The following QTRT2 variants were observed in gnomAD, a reference collection of about 807,000 sequenced individuals.
QTRT2 encodes queuine tRNA-ribosyltransferase domain containing 1.
Under a neutral mutation model 44.8 loss-of-function variants are expected in QTRT2, and 32 were observed. That is an observed-to-expected ratio of 0.71 (90% confidence interval 0.54 to 0.96). QTRT2 has a LOEUF of 0.96. QTRT2 is among the 40% of genes least tolerant of loss of function. The pLI, the probability that QTRT2 is intolerant of heterozygous loss-of-function variation, is 0.00. For synonymous variants in QTRT2, 182 were observed against 187.4 expected, an observed-to-expected ratio of 0.97 and a Z score of 0.24; for missense variants, 461 against 503.1, an observed-to-expected ratio of 0.92 and a Z score of 0.80.
rs1007337007 is a variant in QTRT2 at position 114,082,183 on chromosome 3, T to C, written c.899-494T>C. ...AAGTATATTTGCATGTACATTATGA[T>C]AAGGGATAGTGATAACCCCACCACA... On this transcript the variant is annotated intron_variant, in intron 8 of 9. Transcript: ENST00000281273. Among the ~76,000 whole-genome samples the C allele has an allele frequency of 2.7e-5, 4 of 149,304 alleles. No homozygotes were observed. The East Asian group carries it at 7.9e-4, about 29-fold the overall frequency.
chr3:114,068,471 A>T (rs1228253560), intron 5 of QTRT2: 2 of 190,348 alleles, frequency 1.1e-5, no homozygotes, highest in Non-Finnish European at 2.2e-5. Flanking sequence ...TCTCAATATA[A>T]TATTGTCTGC....
chr3:114,069,591 C>T (rs925273631), intron 5 of QTRT2, among the ~76,000 whole-genome samples: 2 of 152,150 alleles, frequency 1.3e-5, no homozygotes, highest in African/African-American at 4.8e-5. Flanking sequence ...TTTTTTATGG[C>T]TGTATAATAT....
chr3:114,080,148 A>G (rs1277101870), intron 8 of QTRT2, 91 bp downstream of exon 8: 19 of 1,022,908 alleles, frequency 1.9e-5, no homozygotes, highest in South Asian at 1.3e-4. Context: ...ATATGTATAT[A>G]TAAAGCCAGT....
At chr3:114,061,372 A>G (rs959147918) in intron 2 of QTRT2, among the ~76,000 whole-genome samples, 4 of 152,112 alleles carry the variant, frequency 2.6e-5, no homozygotes, top group African/African-American at 9.7e-5. Context: ...TGTGCTGGGT[A>G]TATAGAAAAG....
chr3:114,065,611 C>T (rs2076942957), intron 3 of QTRT2, among the ~76,000 whole-genome samples, 154 bp downstream of exon 3: 1 of 152,216 alleles, frequency 6.6e-6, no homozygotes, highest in African/African-American at 2.4e-5. Context: ...TATACATCTT[C>T]TGGCCCTAAT....
At position 114,068,030 on chromosome 3, in the gene QTRT2, C is replaced by A. The variant is rs745670234; in HGVS notation, c.300C>A (p.Val100=). Residue 100 remains valine, a synonymous_variant, in exon 5 of 10, where the codon GTC becomes GTA. Coordinates refer to ENST00000281273, the MANE Select transcript of QTRT2 (RefSeq NM_024638.4). ...SLLYCSLHDP[V]SPCPAGYVTN... ...TGTACTGCTCCCTGCACGATCCAGT[C>A]AGCCCCTGCCCGGCTGGTTATGTAA... The A allele has an allele frequency of 2.5e-6, 4 of 1,613,790 alleles. No individual in the cohort carries two copies. The African/African-American group carries it at 5.3e-5, about 22-fold the overall frequency.
At chr3:114,083,948 G>A (rs1183871155) in intron 9 of QTRT2, among the ~76,000 whole-genome samples, 17 of 151,920 alleles carry the variant, frequency 1.1e-4, no homozygotes, top group Admixed American at 1.1e-3. Context: ...AGATTTAATT[G>A]GAAATTGTAC....
chr3:114,071,043 A>G (rs1330293436), intron 6 of QTRT2, among the ~76,000 whole-genome samples: 1 of 151,946 alleles, frequency 6.6e-6, no homozygotes, highest in African/African-American at 2.4e-5. Flanking sequence ...ATCCCTTTCT[A>G]TATGTTGTCC....
At chr3:114,077,893 A>G (rs1429313536) in intron 7 of QTRT2, 1 of 151,738 alleles carries the variant, frequency 6.6e-6, no homozygotes, top group Non-Finnish European at 1.5e-5. Context: ...TTGTATTTTT[A>G]GTGGAGACGG....
At chr3:114,061,206 A>AT in intron 2 of QTRT2, among the ~76,000 whole-genome samples, 1 of 152,274 alleles carries the variant, frequency 6.6e-6, no homozygotes, top group Non-Finnish European at 1.5e-5. Context: ...CTTGCATGGC[A>AT]TATTTGGCTT....
intron 2 of QTRT2, 75 bp from the exon 3 acceptor site, chr3:114,065,162 T>TA: frequency 1.1e-6 from 1 of 932,908 alleles, no homozygotes; most frequent in South Asian, 1.6e-5. Flanking sequence ...TCCTGAAGAT[T>TA]TTTTTTTTTT....
intron 6 of QTRT2, 88 bp downstream of exon 6, chr3:114,070,926 A>T: frequency 1.0e-6 from 1 of 968,240 alleles, no homozygotes; most frequent in South Asian, 1.4e-5. Flanking sequence ...TCTTCCTCCT[A>T]CTGCTGTGCT....
chr3:114,080,138 A>C, intron 8 of QTRT2, 81 bp downstream of exon 8: 16 of 1,081,010 alleles, frequency 1.5e-5, no homozygotes, highest in East Asian at 2.5e-5. Context: ...CAAGACAGAA[A>C]TATGTATATA....
chr3:114,079,603 G>C (rs1189117470), intron 7 of QTRT2: 1 of 228,212 alleles, frequency 4.4e-6, no homozygotes. Context: ...AATTCTGTGG[G>C]GGTATATATT....
intron 2 of QTRT2, among the ~76,000 whole-genome samples, chr3:114,058,416 C>T (rs147507936): frequency 2.6e-5 from 4 of 152,330 alleles, no homozygotes; most frequent in East Asian, 1.9e-4. Flanking sequence ...GAATTTTTAA[C>T]ACACATACTC....
At chr3:114,082,889 A>C in intron 9 of QTRT2, 95 bp downstream of exon 9, 2 of 658,522 alleles carry the variant, frequency 3.0e-6, no homozygotes, top group Non-Finnish European at 5.5e-6. Flanking sequence ...TTATGATTTC[A>C]TAAAATATTA....
chr3:114,084,841 A>G (rs1221462730), intron 9 of QTRT2, among the ~76,000 whole-genome samples: 1 of 152,216 alleles, frequency 6.6e-6, no homozygotes, highest in Non-Finnish European at 1.5e-5. Flanking sequence ...CCCCATAGTT[A>G]TCTTCATCTG....
intron 9 of QTRT2, 74 bp from the exon 10 acceptor site, chr3:114,085,599 C>T (rs1310377608): frequency 1.6e-6 from 2 of 1,231,674 alleles, no homozygotes; most frequent in Admixed American, 3.4e-5. Context: ...ACTTTACCAG[C>T]AGAATAGATA....
chr3:114,061,085 G>A (rs532368480), intron 2 of QTRT2, among the ~76,000 whole-genome samples: 2 of 152,284 alleles, frequency 1.3e-5, no homozygotes, highest in East Asian at 3.9e-4. Context: ...ATGTCCATGG[G>A]TAACTGAAAC....
Sources: allele counts gnomAD v4.1 joint callset (sites outside exome capture counted in the v4.1 genomes callset), GRCh38; gene constraint gnomAD v4.1.1; transcripts MANE v1.5; gene names NCBI Gene and HGNC (gene_info 2026-07-23, HGNC 2026-07-21).